Variants in ZNF804B observed in about 807,000 individuals in gnomAD.
ZNF804B encodes the protein zinc finger 804B.
Under a neutral mutation model 101.4 loss-of-function variants are expected in ZNF804B, and 80 were observed. The observed-to-expected ratio is 0.79, with a 90% CI of 0.66 to 0.95. The LOEUF is 0.95. ZNF804B is among the 40% of genes least tolerant of loss of function. The pLI is 0.00. For synonymous variants in ZNF804B, 622 were observed against 558.8 expected (o/e 1.11, Z -1.59); for missense variants, 1,673 against 1,561.9 (o/e 1.07, Z -1.20).
In ZNF804B at chr7:89,336,944, A is replaced by G. The variant is rs775540062; in HGVS notation, c.3962A>G (p.Gln1321Arg). The G allele has an allele frequency of 1.2e-6, 2 of 1,614,126 alleles. No homozygotes were observed. The highest frequency in any genetic ancestry group is 3.3e-5 in the Admixed American group (2 of 60,004). The change falls in exon 4 of 4, where the codon CAA becomes CGA. Residue 1321 changes from glutamine (Q) to arginine (R), a missense_variant. Transcript: ENST00000333190. ...TTAATCCAACCAGTATTCCAAGGTC[A>G]AGATTTTTGCCATCATTCTTGCTCT... is the stretch of plus-strand genomic sequence containing the variant. ...NPLIQPVFQG[Q>R]DFCHHSCSSQ...
At chr7:89,289,309 C>A (rs1790252373) in intron 2 of ZNF804B, among the ~76,000 whole-genome samples, 3 of 151,914 alleles carry the variant, frequency 2.0e-5, no homozygotes, top group Non-Finnish European at 4.4e-5. Flanking sequence ...TGATCGTCTG[C>A]CCCATAGGAA....
chr7:89,145,575 T>C (rs1361082204), intron 1 of ZNF804B, among the ~76,000 whole-genome samples: 1 of 152,108 alleles, frequency 6.6e-6, no homozygotes, highest in Non-Finnish European at 1.5e-5. Flanking sequence ...ACAGCCATCA[T>C]ATTTTTATTT....
chr7:89,056,830 A>C (rs1789302875), intron 1 of ZNF804B, among the ~76,000 whole-genome samples: 1 of 152,084 alleles, frequency 6.6e-6, no homozygotes, highest in Non-Finnish European at 1.5e-5. Context: ...ATACACTAAG[A>C]CTCTGGGTTG....
chr7:89,206,060 C>T (rs1026761866), intron 1 of ZNF804B, among the ~76,000 whole-genome samples: 5 of 152,230 alleles, frequency 3.3e-5, no homozygotes, highest in Non-Finnish European at 7.3e-5. Context: ...GGGGCTTACA[C>T]CCTCTAAAGC....
At chr7:88,956,084 AC>A (rs1031846641) in intron 1 of ZNF804B, among the ~76,000 whole-genome samples, 3 of 151,656 alleles carry the variant, frequency 2.0e-5, no homozygotes, top group African/African-American at 7.2e-5. Context: ...ACAAAAAATA[AC>A]AAATGCTGGT....
intron 1 of ZNF804B, among the ~76,000 whole-genome samples, chr7:88,817,567 G>A (rs12667725): frequency 0.44 from 66,084 of 151,850 alleles, 15,198 homozygotes; most frequent in East Asian, 0.81. Flanking sequence ...ATTTATAAAA[G>A]TAAATATTTT....
intron 1 of ZNF804B, among the ~76,000 whole-genome samples, chr7:89,101,561 C>T (rs1031476126): frequency 1.3e-5 from 2 of 151,862 alleles, no homozygotes; most frequent in Non-Finnish European, 2.9e-5. Flanking sequence ...TTCAATTTCT[C>T]ACAACCTAAA....
At chr7:88,845,069 T>A (rs1791348627) in intron 1 of ZNF804B, among the ~76,000 whole-genome samples, 1 of 152,112 alleles carries the variant, frequency 6.6e-6, no homozygotes. Context: ...AGGATTTGCT[T>A]CTGGAAAACT....
Position 89,335,922 on chromosome 7 carries a change from TG to T in ZNF804B, c.2941del (p.Glu981LysfsTer37), listed in dbSNP as rs1318891301. 2 of 1,613,938 alleles carry T rather than the reference TG, an allele frequency of 1.2e-6. No individual in the cohort carries two copies. Among genetic ancestry groups the T allele is most frequent in the African/African-American group, 1.3e-5 (1 of 74,914 alleles). ...GTAACAGACAAGCATTGCCTTTGTC[TG>T]AAAAAATACAGTATGCAAGTGAGAG... Reference protein sequence around the residue: ...GCNRQALPLSEKIQYASESRN... With the variant: ...GCNRQALPLSXKIQYASESRN... On this transcript the variant is annotated frameshift_variant, in exon 4 of 4. Transcript: ENST00000333190. LOFTEE classifies it high-confidence loss of function.
chr7:88,807,639 T>C (rs1025029932), intron 1 of ZNF804B, among the ~76,000 whole-genome samples: 8 of 152,158 alleles, frequency 5.3e-5, no homozygotes, highest in African/African-American at 1.9e-4. Context: ...AGTGTCTTTT[T>C]ATTCATGCCA....
intron 1 of ZNF804B, among the ~76,000 whole-genome samples, chr7:88,933,757 C>T (rs909633696): frequency 6.6e-5 from 10 of 151,786 alleles, no homozygotes; most frequent in African/African-American, 2.2e-4. Context: ...TGAAAGAAAT[C>T]ATAGATGACA....
chr7:89,298,216 G>GTGTGTATATA (rs1421058768), intron 2 of ZNF804B, among the ~76,000 whole-genome samples: 10 of 27,516 alleles, frequency 3.6e-4, no homozygotes, highest in African/African-American at 1.6e-3. Context: ...GTGTGTGTGT[G>GTGTGTATATA]TATATATATA....
intron 1 of ZNF804B, among the ~76,000 whole-genome samples, chr7:88,838,301 A>C (rs983205266): frequency 7.2e-5 from 11 of 151,950 alleles, no homozygotes; most frequent in African/African-American, 2.7e-4. Context: ...TTCCCAAATC[A>C]TAAGCTAATG....
chr7:89,240,774 G>A (rs1789356731), intron 2 of ZNF804B, among the ~76,000 whole-genome samples: 1 of 151,884 alleles, frequency 6.6e-6, no homozygotes, highest in Admixed American at 6.6e-5. Context: ...ATAATTTCTT[G>A]CTGAGTACTT....
At chr7:88,810,669 A>T (rs1180684313) in intron 1 of ZNF804B, among the ~76,000 whole-genome samples, 1 of 56,144 alleles carries the variant, frequency 1.8e-5, no homozygotes, top group Admixed American at 1.9e-4. Context: ...TCTCACATTT[A>T]AAAAAAAAAA....
intron 1 of ZNF804B, among the ~76,000 whole-genome samples, chr7:88,766,399 C>CA (rs1789984249): frequency 6.6e-6 from 1 of 152,308 alleles, no homozygotes; most frequent in Non-Finnish European, 1.5e-5. Flanking sequence ...AGATGACACT[C>CA]AGATAACATG....
chr7:88,944,089 A>T (rs1362052969), intron 1 of ZNF804B, among the ~76,000 whole-genome samples: 1 of 151,816 alleles, frequency 6.6e-6, no homozygotes, highest in Non-Finnish European at 1.5e-5. Context: ...GTGTAGAAAT[A>T]TATTTTCCTT....
intron 1 of ZNF804B, among the ~76,000 whole-genome samples, chr7:88,895,485 T>C (rs1333739338): frequency 2.0e-5 from 3 of 152,242 alleles, no homozygotes; most frequent in South Asian, 4.1e-4. Context: ...TGTTCATGCA[T>C]GTATTTCCTA....
At chr7:88,835,781 A>C (rs1377647819) in intron 1 of ZNF804B, among the ~76,000 whole-genome samples, 1 of 151,880 alleles carries the variant, frequency 6.6e-6, no homozygotes, top group Non-Finnish European at 1.5e-5. Context: ...AGATTGTTTC[A>C]TGTATATATA....
Sources: allele counts gnomAD v4.1 joint callset (sites outside exome capture counted in the v4.1 genomes callset), GRCh38; gene constraint gnomAD v4.1.1; transcripts MANE v1.5; gene names NCBI Gene and HGNC (gene_info 2026-07-23, HGNC 2026-07-21).